Variants in BEGAIN observed in about 807,000 individuals in gnomAD.
BEGAIN encodes brain enriched guanylate kinase associated, also known as brain-enriched guanylate kinase-associated protein.
Under a neutral mutation model 35.8 loss-of-function variants are expected in BEGAIN, and 19 were observed. That is an observed-to-expected ratio of 0.53 (90% CI 0.37 to 0.78). The LOEUF (loss-of-function observed/expected upper bound fraction) is 0.78, where lower values mean the gene tolerates loss of function less well. BEGAIN is among the 30% of genes least tolerant of loss of function. BEGAIN has a pLI of 0.00. For missense variants in BEGAIN, 795 were observed against 853.6 expected (o/e 0.93, Z 0.85); for synonymous variants, 462 against 388.6 (o/e 1.19, Z -2.22).
chr14:100,539,075 T>C lies in BEGAIN; in HGVS notation c.733A>G (p.Ile245Val), dbSNP rs1037868689. 8.1e-6 allele frequency: 13 copies of C among 1,612,510 alleles called. No homozygotes were observed. Among genetic ancestry groups the C allele is most frequent in the Non-Finnish European group, 9.3e-6 (11 of 1,179,516 alleles). Residue 245 changes from isoleucine (I) to valine (V), a missense_variant, in exon 7 of 7, where the codon ATC becomes GTC. Coordinates refer to ENST00000554140, the MANE Select transcript of BEGAIN (RefSeq NM_001385089.1). ...TAGAGGGCTGTGTCACTGCAGTAGA[T>C]GTCTCCCTTGTAGGGGGGCCGCGGG... ...PGPRPPYKGD[I>V]YCSDTALYCP...
At chr14:100,570,444 C>T (rs2035042628) in intron 1 of BEGAIN, among the ~76,000 whole-genome samples, 1 of 152,222 alleles carries the variant, frequency 6.6e-6, no homozygotes, top group Admixed American at 6.5e-5. Context: ...TCCTCTGACC[C>T]ATTGCCTTCG....
At position 100,540,340 on chromosome 14, in the gene BEGAIN, A is replaced by G. The variant is rs1304377205; in HGVS notation, c.492+156T>C. 2.0e-5 allele frequency: 13 copies of G among 645,632 alleles called. No homozygotes were observed. The East Asian group carries it at 3.6e-4, about 18-fold the overall frequency. 40.0% of individuals were successfully genotyped at this position (645,632 alleles called of 1,614,324 possible). ...TGGGGTGCCTTTGGCGGCCCCTCCA[A>G]TGTCATGACCCCACAGGAGCGAGGG... On this transcript the variant is annotated intron_variant, in intron 6 of 6. Transcript: ENST00000554140.
Position 100,567,792 on chromosome 14 carries a change from A to G in BEGAIN, c.71+119T>C, listed in dbSNP as rs2034832271. On this transcript the variant is annotated intron_variant, in intron 2 of 6. Transcript: ENST00000554140. The surrounding 1 kb of genome is among the most constrained non-coding windows in gnomAD (Gnocchi z 5.1). ...ACGCACCTGGCCCGCAGCCCCGCCG[A>G]GGCCGCCCGCGGGCCCTGGGGGATG... 2 of 1,065,102 alleles carry G rather than the reference A, an allele frequency of 1.9e-6. No homozygotes were observed. Among genetic ancestry groups the G allele is most frequent in the Admixed American group, 4.3e-5 (1 of 23,284 alleles). 66.0% of individuals were successfully genotyped at this position (1,065,102 alleles called of 1,614,324 possible).
intron 1 of BEGAIN, among the ~76,000 whole-genome samples, chr14:100,581,810 G>A (rs558433901): frequency 3.3e-5 from 5 of 152,366 alleles, no homozygotes; most frequent in African/African-American, 1.2e-4. Flanking sequence ...CTGCCAGCTC[G>A]GACAGAAGGG....
chr14:100,539,779 C>T (rs1435027459), intron 6 of BEGAIN, among the ~76,000 whole-genome samples: 1 of 152,124 alleles, frequency 6.6e-6, no homozygotes, highest in Non-Finnish European at 1.5e-5. Context: ...GCTGCTGGAG[C>T]GCTCCTGAAG....
chr14:100,545,530 G>C lies in BEGAIN; in HGVS notation c.234-464C>G, dbSNP rs548801907. 4.0e-6 allele frequency: 3 copies of C among 750,558 alleles called. No individual in the cohort carries two copies. In the African/African-American group the frequency reaches 5.7e-5, roughly 14 times the overall value. The allele number at this position is 750,558 out of a possible 1,614,324, so 46.5% of individuals were successfully genotyped here. The stretch of plus-strand genomic sequence containing the variant: ...ACAGTGAACAAGACTCGGTTCTGCC[G>C]GGTAGGAGGAGTGGAGCTGAGTGTC... On this transcript the variant is annotated intron_variant, in intron 3 of 6. Transcript: ENST00000554140.
chr14:100,549,978 CCTGGGGGG>C (rs2033015369), intron 2 of BEGAIN: 1 of 153,848 alleles, frequency 6.5e-6, no homozygotes, highest in South Asian at 2.1e-4. Context: ...GGCCTGGGGG[CCTGGGGGG>C]CCCTGCTGGG....
chr14:100,585,418 AT>A (rs2035422297), intron 1 of BEGAIN, among the ~76,000 whole-genome samples: 1 of 27,296 alleles, frequency 3.7e-5, no homozygotes, highest in Non-Finnish European at 1.0e-4. Flanking sequence ...CCTCCCTCCC[AT>A]CCATCCATCC....
intron 5 of BEGAIN, among the ~76,000 whole-genome samples, chr14:100,543,347 G>C (rs1766353634): frequency 6.6e-6 from 1 of 151,024 alleles, no homozygotes; most frequent in South Asian, 2.1e-4. Context: ...TCATCTTGGA[G>C]CCTAGTAGGG....
rs56090356 is a variant in BEGAIN at position 100,583,692 on chromosome 14, C to CTTT, written c.42+3554_42+3556dup. ...CTCTCTCTCTCTTTCGTTTTTCTTC[C>CTTT]TTTTTTTTTTTTTTTTTGATGGAGT... On this transcript the variant is annotated intron_variant, in intron 1 of 6. Transcript: ENST00000554140. Among the ~76,000 whole-genome samples, 30 of 108,990 alleles carry CTTT rather than the reference C, an allele frequency of 2.8e-4. No individual in the cohort carries two copies. In the South Asian group the frequency reaches 5.5e-3, roughly 20 times the overall value. The allele number at this position is 108,990 out of a possible 152,430, so 71.5% of individuals were successfully genotyped here. A position where few individuals can be genotyped will look rare whatever the true frequency, so the allele number is the denominator to read the frequency against.
At chr14:100,549,635 T>A (rs1396662346) in intron 2 of BEGAIN, 1 of 152,406 alleles carries the variant, frequency 6.6e-6, no homozygotes. Flanking sequence ...TGTCTCCACA[T>A]CTGCAGAACT....
At position 100,573,497 on chromosome 14, in the gene BEGAIN, G is replaced by A. The variant is rs1025864106; in HGVS notation, c.43-5558C>T. On this transcript the variant is annotated intron_variant, in intron 1 of 6. Transcript: ENST00000554140. The surrounding 1 kb of genome is among the most constrained non-coding windows in gnomAD (Gnocchi z 4.2). ...AGCCCCTGGAGGGATGAATGGGGGC[G>A]TCTCTGGCACACCACTGTGTGGAGA... is the stretch of plus-strand genomic sequence containing the variant. Among the ~76,000 whole-genome samples, 5 of 152,142 alleles carry A rather than the reference G, an allele frequency of 3.3e-5. No homozygotes were observed. The highest frequency in any genetic ancestry group is 5.9e-5 in the Non-Finnish European group (4 of 67,994).
rs776784683 is a variant in BEGAIN, at chr14:100,545,369, C to G, written c.234-303G>C. The G allele has an allele frequency of 1.8e-5, 22 of 1,218,624 alleles. No individual in the cohort carries two copies. In the East Asian group the frequency reaches 2.9e-4, roughly 16 times the overall value. 75.5% of individuals were successfully genotyped at this position (1,218,624 alleles called of 1,614,324 possible). A position where few individuals can be genotyped will look rare whatever the true frequency, so the allele number is the denominator to read the frequency against. ...CACAAGAGACTCTGTCCCATCCACA[C>G]GCGGAGCCAGTTTACTCACATTTGA... On this transcript the variant is annotated intron_variant, in intron 3 of 6. Coordinates refer to ENST00000554140, the MANE Select transcript of BEGAIN (RefSeq NM_001385089.1).
At position 100,563,808 on chromosome 14, in the gene BEGAIN, CA is replaced by C. The variant is rs2034470339; in HGVS notation, c.71+4102del. On this transcript the variant is annotated intron_variant, in intron 2 of 6. Transcript: ENST00000554140. The surrounding 1 kb of genome is among the most constrained non-coding windows in gnomAD (Gnocchi z 4.2). ...CAGTGCCCGGCAGTCTGCCAGGGAA[CA>C]AACGGATTTCAGGGAAGCCACCATG... Among the ~76,000 whole-genome samples the C allele has an allele frequency of 6.6e-6, 1 of 152,220 alleles. No individual in the cohort carries two copies. Among genetic ancestry groups the C allele is most frequent in the South Asian group, 2.1e-4 (1 of 4,832 alleles).
Position 100,538,584 on chromosome 14 carries a change from C to T in BEGAIN, c.1224G>A (p.Gln408=), listed in dbSNP as rs1372763980. 2 of 1,547,308 alleles carry T rather than the reference C, an allele frequency of 1.3e-6. No homozygotes were observed. The highest frequency in any genetic ancestry group is 1.7e-6 in the Non-Finnish European group (2 of 1,145,970). ...TFRFPASPGP[Q]QALMPPNLWS... is the part of the protein sequence containing the mutation. Reference sequence around the variant, plus strand: ...ACAGGTTTGGGGGCATCAGGGCCTGCTGGGGACCCGGAGAGGCCGGGAAGC... The same window carrying T: ...ACAGGTTTGGGGGCATCAGGGCCTGTTGGGGACCCGGAGAGGCCGGGAAGC... The change falls in exon 7 of 7, where the codon CAG becomes CAA. Residue 408 remains glutamine, a synonymous_variant. Coordinates refer to ENST00000554140, the MANE Select transcript of BEGAIN (RefSeq NM_001385089.1).
At chr14:100,581,309 C>T (rs2035310922) in intron 1 of BEGAIN, among the ~76,000 whole-genome samples, 1 of 152,210 alleles carries the variant, frequency 6.6e-6, no homozygotes, top group Non-Finnish European at 1.5e-5. Flanking sequence ...TCCAGAGTTT[C>T]AGGCTGCATC....
At chr14:100,556,671 AG>A (rs1318172934) in intron 2 of BEGAIN, among the ~76,000 whole-genome samples, 2 of 152,202 alleles carry the variant, frequency 1.3e-5, no homozygotes, top group African/African-American at 2.4e-5. Flanking sequence ...ATCAGGGCAC[AG>A]GGGCTGTCTC....
chr14:100,539,017 G>A lies in BEGAIN; in HGVS notation c.791C>T (p.Pro264Leu). 6.2e-7 allele frequency: 1 copy of A among 1,611,124 alleles called. No homozygotes were observed. Among genetic ancestry groups the A allele is most frequent in the Non-Finnish European group, 8.5e-7 (1 of 1,179,244 alleles). Residue 264 changes from proline (P) to leucine (L), a missense_variant, in exon 7 of 7, where the codon CCT becomes CTT. By Grantham distance (98) the Pro-to-Leu change is moderately conservative (BLOSUM62 -3). This residue lies in a region of BEGAIN where 664 missense variants were observed against 647.7 expected (regional missense o/e 1.03). Transcript: ENST00000554140. Reference sequence around the variant, plus strand: ...GTCGGTCACGGGCGCGTCCACGCTAGGCCGCCGGTCTCGCCGCCGCTCCTC... The same window carrying A: ...GTCGGTCACGGGCGCGTCCACGCTAAGCCGCCGGTCTCGCCGCCGCTCCTC... Reference protein sequence around the residue: ...CPEERRRDRRPSVDAPVTDVG... With the variant: ...CPEERRRDRRLSVDAPVTDVG...
rs565186094 is a variant in BEGAIN, at chr14:100,573,197, C to T, written c.43-5258G>A. ...AGGTGAGTCTGGGGGGAGGGGCTTC[C>T]GGAGGAGGGGGCTGGTGAGTCTGGG... On this transcript the variant is annotated intron_variant, in intron 1 of 6. Transcript: ENST00000554140. This position sits in a 1 kb window ranked among gnomAD's most constrained non-coding sequence, Gnocchi z 4.2. Among the ~76,000 whole-genome samples, 1 of 113,308 alleles carries T rather than the reference C, an allele frequency of 8.8e-6. No individual in the cohort carries two copies. The allele number at this position is 113,308 out of a possible 152,430, so 74.3% of individuals were successfully genotyped here. A position where few individuals can be genotyped will look rare whatever the true frequency, so the allele number is the denominator to read the frequency against.
Sources: allele counts gnomAD v4.1 joint callset (sites outside exome capture counted in the v4.1 genomes callset), GRCh38; gene constraint gnomAD v4.1.1; regional missense constraint gnomAD v4.1.1; non-coding constraint Gnocchi (gnomAD v3.1); transcripts MANE v1.5; gene names NCBI Gene and HGNC (gene_info 2026-07-23, HGNC 2026-07-21).